The following NRXN1 variants were observed in gnomAD, a reference collection of about 807,000 sequenced individuals.
NRXN1 encodes the protein neurexin-1.
Under a neutral mutation model 150.9 loss-of-function variants are expected in NRXN1, and 39 were observed. That is an observed-to-expected ratio of 0.26 (90% CI 0.20 to 0.34). NRXN1 has a LOEUF of 0.34. Among genes scored for constraint, NRXN1 ranks in the 10% least tolerant of loss-of-function variants. The pLI is 1.00. For missense variants in NRXN1, 1,815 were observed against 1,949.9 expected (o/e 0.93, Z 1.30); for synonymous variants, 924 against 757.0 (o/e 1.22, Z -3.62).
intron 17 of NRXN1, among the ~76,000 whole-genome samples, chr2:50,399,710 T>C (rs2082271975): frequency 7.2e-6 from 1 of 139,290 alleles, no homozygotes; most frequent in South Asian, 2.3e-4. Flanking sequence ...CATTCAGGTG[T>C]TTTTGAAAAA....
chr2:50,735,150 A>T (rs1650971676), intron 5 of NRXN1, among the ~76,000 whole-genome samples: 1 of 152,180 alleles, frequency 6.6e-6, no homozygotes, highest in South Asian at 2.1e-4. Context: ...CCTTTCGTTT[A>T]TTGCCAATCT....
intron 8 of NRXN1, among the ~76,000 whole-genome samples, chr2:50,608,831 G>A (rs1276451049): frequency 7.2e-5 from 11 of 152,122 alleles, no homozygotes; most frequent in South Asian, 2.1e-4. Context: ...AAAATAATGC[G>A]AAATGAAATC....
At chr2:50,679,039 C>T (rs1689962429) in intron 5 of NRXN1, among the ~76,000 whole-genome samples, 1 of 151,948 alleles carries the variant, frequency 6.6e-6, no homozygotes, top group African/African-American at 2.4e-5. Flanking sequence ...CTCTAGAGAC[C>T]ACAGATTGGT....
At chr2:50,597,262 C>G (rs1283926895) in intron 8 of NRXN1, among the ~76,000 whole-genome samples, 2 of 152,286 alleles carry the variant, frequency 1.3e-5, no homozygotes, top group East Asian at 3.9e-4. Context: ...GACTGACCCT[C>G]TAGCCATATC....
At chr2:50,089,733 T>A (rs1304834831) in intron 19 of NRXN1, among the ~76,000 whole-genome samples, 1 of 150,994 alleles carries the variant, frequency 6.6e-6, no homozygotes, top group East Asian at 1.9e-4. Context: ...GAGGTTACAG[T>A]GAGCTATGAC....
intron 5 of NRXN1, among the ~76,000 whole-genome samples, chr2:50,682,172 C>A (rs1173450063): frequency 2.0e-5 from 3 of 152,156 alleles, no homozygotes; most frequent in Non-Finnish European, 4.4e-5. Flanking sequence ...TCTTCTATGT[C>A]CTAAAACTCA....
intron 17 of NRXN1, among the ~76,000 whole-genome samples, chr2:50,417,673 G>A (rs1558695362): frequency 6.6e-6 from 1 of 151,836 alleles, no homozygotes; most frequent in African/African-American, 2.4e-5. Flanking sequence ...AAGCACATAG[G>A]AAGGGGACAT....
At chr2:50,107,754 A>T (rs1244375525) in intron 18 of NRXN1, among the ~76,000 whole-genome samples, 2 of 151,836 alleles carry the variant, frequency 1.3e-5, no homozygotes, top group Non-Finnish European at 2.9e-5. Flanking sequence ...CTCAGTTAAT[A>T]ATAATGTTGA....
At chr2:50,818,435 A>C (rs1450482490) in intron 5 of NRXN1, among the ~76,000 whole-genome samples, 1 of 151,894 alleles carries the variant, frequency 6.6e-6, no homozygotes, top group Non-Finnish European at 1.5e-5. Flanking sequence ...TGATATTATA[A>C]ATAAAATTGG....
At chr2:50,488,245 T>G (rs2091015909) in intron 15 of NRXN1, among the ~76,000 whole-genome samples, 1 of 152,206 alleles carries the variant, frequency 6.6e-6, no homozygotes, top group African/African-American at 2.4e-5. Context: ...AACTCATATT[T>G]GTATAATGTG....
At chr2:50,567,231 T>A (rs1215920097) in intron 8 of NRXN1, among the ~76,000 whole-genome samples, 5 of 152,198 alleles carry the variant, frequency 3.3e-5, no homozygotes, top group Non-Finnish European at 5.9e-5. Context: ...AACTGGAGAA[T>A]AAAGAATGAG....
chr2:50,923,249 A>G (rs1686349426), intron 3 of NRXN1, among the ~76,000 whole-genome samples: 1 of 151,890 alleles, frequency 6.6e-6, no homozygotes, highest in African/African-American at 2.4e-5. Context: ...TTGTTCAAAT[A>G]CAAAATGATC....
Position 50,328,834 on chromosome 2 carries a change from C to T in NRXN1, c.3365-91864G>A, listed in dbSNP as rs557556804. On this transcript the variant is annotated intron_variant, in intron 17 of 22. Transcript: ENST00000401669. Reference sequence around the variant, plus strand: ...ACCTCTCCTAAATTCCAAAACCTCACTATGCTAGTAAGAGCCTCATGCACT... The same window carrying T: ...ACCTCTCCTAAATTCCAAAACCTCATTATGCTAGTAAGAGCCTCATGCACT... 3.3e-5 allele frequency among the ~76,000 whole-genome samples: 5 copies of T among 152,302 alleles called. No individual in the cohort carries two copies. The East Asian group carries it at 9.7e-4, about 29-fold the overall frequency.
At chr2:50,448,843 T>C (rs1346321159) in intron 17 of NRXN1, among the ~76,000 whole-genome samples, 4 of 152,046 alleles carry the variant, frequency 2.6e-5, no homozygotes, top group South Asian at 4.1e-4. Flanking sequence ...CCACATAAAA[T>C]AGAGCAATTC....
rs558182015 is a variant in NRXN1 at position 50,700,170 on chromosome 2, AG to A, written c.833-76556del. On this transcript the variant is annotated intron_variant, in intron 5 of 22. Coordinates refer to ENST00000401669, the MANE Select transcript of NRXN1 (RefSeq NM_001330078.2). ...AAAATTTTTGAGCAGTTAATTTAAA[AG>A]TGAATCCAAATGGATATCCAAATCT... Among the ~76,000 whole-genome samples the A allele has an allele frequency of 3.3e-4, 51 of 152,350 alleles. No homozygotes were observed. In the East Asian group the frequency reaches 8.7e-3, roughly 26 times the overall value.
intron 5 of NRXN1, among the ~76,000 whole-genome samples, chr2:50,826,105 C>A (rs747566965): frequency 8.5e-5 from 13 of 152,080 alleles, no homozygotes; most frequent in Admixed American, 2.0e-4. Flanking sequence ...ATGATTGGAG[C>A]TGTAAAGAAA....
chr2:50,366,240 A>G (rs536540816), intron 17 of NRXN1, among the ~76,000 whole-genome samples: 4 of 151,616 alleles, frequency 2.6e-5, no homozygotes, highest in African/African-American at 7.3e-5. Flanking sequence ...ATTAAAAAAT[A>G]TATAAAAATG....
At chr2:50,369,696 T>C (rs542085817) in intron 17 of NRXN1, among the ~76,000 whole-genome samples, 2 of 152,126 alleles carry the variant, frequency 1.3e-5, no homozygotes, top group African/African-American at 4.8e-5. Flanking sequence ...GGCATCTTTA[T>C]AGTAAGTGAT....
chr2:50,549,804 T>C (rs1288773633), intron 9 of NRXN1, among the ~76,000 whole-genome samples: 2 of 152,310 alleles, frequency 1.3e-5, no homozygotes, highest in African/African-American at 4.8e-5. Flanking sequence ...GCATCAATAC[T>C]TTCTCCTTAT....
Sources: allele counts gnomAD v4.1 joint callset (sites outside exome capture counted in the v4.1 genomes callset), GRCh38; gene constraint gnomAD v4.1.1; transcripts MANE v1.5; gene names NCBI Gene and HGNC (gene_info 2026-07-23, HGNC 2026-07-21).